SYT1: variants seen among roughly 807,000 people sequenced by gnomAD.
SYT1 encodes synaptotagmin-1.
In SYT1, 8 loss-of-function variants were observed where a neutral mutation model predicts 44.8. The ratio of observed to expected loss-of-function variants is 0.18; its 90% confidence interval spans 0.10 to 0.32. The LOEUF (loss-of-function observed/expected upper bound fraction) is 0.32, where lower values mean the gene tolerates loss of function less well. Among genes scored for constraint, SYT1 ranks in the 10% least tolerant of loss-of-function variants. The probability of loss-of-function intolerance (pLI) is 1.00; values close to 1 mark genes in which losing one functional copy is unlikely to be tolerated. For missense variants in SYT1, 286 were observed against 509.3 expected (o/e 0.56, Z 4.22); for synonymous variants, 154 against 188.8 (o/e 0.82, Z 1.51).
chr12:79,113,896 T>C (rs536065438), intron 3 of SYT1, among the ~76,000 whole-genome samples: 34 of 152,238 alleles, frequency 2.2e-4, no homozygotes, highest in South Asian at 8.3e-4. Flanking sequence ...GCCTCAAAAA[T>C]AGAAAATTAT....
intron 1 of SYT1, among the ~76,000 whole-genome samples, chr12:78,968,673 G>T (rs1868304614): frequency 6.6e-6 from 1 of 152,004 alleles, no homozygotes; most frequent in Admixed American, 6.6e-5. Context: ...TCCCAATCTG[G>T]GGCATGCATA....
At chr12:79,353,387 A>AT in intron 8 of SYT1, 115 bp from the exon 9 acceptor site, 1 of 811,456 alleles carries the variant, frequency 1.2e-6, no homozygotes, top group Non-Finnish European at 2.0e-6. Flanking sequence ...TGGACCTACA[A>AT]TTTTCAAATT....
chr12:78,967,620 C>T (rs1218739571), intron 1 of SYT1, among the ~76,000 whole-genome samples: 1 of 152,120 alleles, frequency 6.6e-6, no homozygotes, highest in Non-Finnish European at 1.5e-5. Flanking sequence ...AAGCATATGA[C>T]ATTTCATTTG....
At chr12:79,284,264 T>G (rs539755993) in intron 4 of SYT1, among the ~76,000 whole-genome samples, 35 of 152,242 alleles carry the variant, frequency 2.3e-4, no homozygotes, top group African/African-American at 7.5e-4. Flanking sequence ...TAAGAAAATA[T>G]ATTAACTTTT....
At chr12:79,187,494 C>T (rs905438431) in intron 3 of SYT1, among the ~76,000 whole-genome samples, 1 of 152,074 alleles carries the variant, frequency 6.6e-6, no homozygotes, top group African/African-American at 2.4e-5. Context: ...TTAATTCCTG[C>T]CGGATTTCAT....
chr12:79,073,139 G>T (rs1876400007), intron 3 of SYT1, among the ~76,000 whole-genome samples: 1 of 151,986 alleles, frequency 6.6e-6, no homozygotes, highest in Non-Finnish European at 1.5e-5. Flanking sequence ...GTCTCACTCT[G>T]TTGCCATGCT....
intron 3 of SYT1, among the ~76,000 whole-genome samples, chr12:79,084,010 G>C (rs934560918): frequency 2.0e-5 from 3 of 152,118 alleles, no homozygotes; most frequent in African/African-American, 7.2e-5. Context: ...GCAGGTTGAG[G>C]GTGTCCTATG....
intron 3 of SYT1, among the ~76,000 whole-genome samples, chr12:79,080,954 A>T (rs889651768): frequency 1.3e-5 from 2 of 152,154 alleles, no homozygotes; most frequent in Non-Finnish European, 2.9e-5. Flanking sequence ...ATAAAAGCAG[A>T]TTAAAGAGGA....
At chr12:79,019,968 C>A (rs185902010) in intron 2 of SYT1, among the ~76,000 whole-genome samples, 2 of 151,924 alleles carry the variant, frequency 1.3e-5, no homozygotes, top group African/African-American at 2.4e-5. Flanking sequence ...AATGTAAAAA[C>A]CTCATTTTGA....
chr12:79,091,030 T>C (rs1404533926), intron 3 of SYT1, among the ~76,000 whole-genome samples: 1 of 151,994 alleles, frequency 6.6e-6, no homozygotes, highest in African/African-American at 2.4e-5. Context: ...GCTTTATTAA[T>C]ATATACATGT....
At chr12:79,395,547 G>GT (rs1565940673) in intron 9 of SYT1, among the ~76,000 whole-genome samples, 1 of 151,906 alleles carries the variant, frequency 6.6e-6, no homozygotes, top group Non-Finnish European at 1.5e-5. Flanking sequence ...TACGGATTTT[G>GT]TTTTTTGGCT....
chr12:79,285,562 G>A (rs919117522), intron 4 of SYT1, among the ~76,000 whole-genome samples: 2 of 152,164 alleles, frequency 1.3e-5, no homozygotes, highest in African/African-American at 4.8e-5. Context: ...TAATAGGGAG[G>A]AGATGACATT....
In SYT1 at chr12:79,186,210, A is replaced by G. The variant is rs553011769; in HGVS notation, c.-17-31293A>G. On this transcript the variant is annotated intron_variant, in intron 3 of 10. Coordinates refer to ENST00000261205, the MANE Select transcript of SYT1 (RefSeq NM_005639.3). ...ATATGACATAAAGTTCAATTACTTT[A>G]TCAATTCTAGACATTCAAATTCCTC... is the stretch of plus-strand genomic sequence containing the variant. Among the ~76,000 whole-genome samples, 23 of 152,130 alleles carry G rather than the reference A, an allele frequency of 1.5e-4. No homozygotes were observed. In the East Asian group the frequency reaches 3.5e-3, roughly 23 times the overall value.
intron 8 of SYT1, among the ~76,000 whole-genome samples, chr12:79,306,102 A>C (rs1027325570): frequency 1.3e-5 from 2 of 152,214 alleles, no homozygotes; most frequent in Non-Finnish European, 2.9e-5. Context: ...GAGTGCAAGG[A>C]TATTGTCTGT....
At chr12:79,283,856 T>G (rs1434782156) in intron 4 of SYT1, among the ~76,000 whole-genome samples, 2 of 151,618 alleles carry the variant, frequency 1.3e-5, no homozygotes, top group Non-Finnish European at 2.9e-5. Flanking sequence ...AAGTTGTAGT[T>G]TTATGTCCTT....
chr12:79,210,870 A>G (rs1273457315), intron 3 of SYT1, among the ~76,000 whole-genome samples: 5 of 151,476 alleles, frequency 3.3e-5, no homozygotes, highest in Non-Finnish European at 5.9e-5. Flanking sequence ...CATTTTACAT[A>G]TTGGTTAAAT....
chr12:79,308,848 A>G (rs1211896744), intron 8 of SYT1, among the ~76,000 whole-genome samples: 1 of 152,240 alleles, frequency 6.6e-6, no homozygotes, highest in Non-Finnish European at 1.5e-5. Context: ...ATCTGCACAT[A>G]CACAACAGTA....
At chr12:79,095,963 G>A (rs1013216059) in intron 3 of SYT1, among the ~76,000 whole-genome samples, 6 of 151,888 alleles carry the variant, frequency 4.0e-5, no homozygotes, top group African/African-American at 2.4e-5. Flanking sequence ...GATGGCTGAC[G>A]TTTTCATATT....
At chr12:79,332,532 G>A (rs549282602) in intron 8 of SYT1, among the ~76,000 whole-genome samples, 1 of 152,262 alleles carries the variant, frequency 6.6e-6, no homozygotes, top group South Asian at 2.1e-4. Flanking sequence ...CTAATTAGTT[G>A]CATAACCTTT....
Sources: allele counts gnomAD v4.1 joint callset (sites outside exome capture counted in the v4.1 genomes callset), GRCh38; gene constraint gnomAD v4.1.1; transcripts MANE v1.5; gene names NCBI Gene and HGNC (gene_info 2026-07-23, HGNC 2026-07-21).